The following H1-4 variants were observed in gnomAD, a reference collection of about 807,000 sequenced individuals.
H1-4 encodes the protein histone H1.4.
In H1-4, 9 loss-of-function variants were observed where a neutral mutation model predicts 7.2. The ratio of observed to expected loss-of-function variants is 1.25; its 90% CI spans 0.75 to 2.18. The LOEUF is 2.18. Among genes scored for constraint, H1-4 ranks in the 30% most tolerant of loss-of-function variants. The pLI, the probability that H1-4 is intolerant of heterozygous loss-of-function variation, is 0.00. For synonymous variants in H1-4, 318 were observed against 126.6 expected (o/e 2.51, Z -10.15); for missense variants, 646 against 287.9 (o/e 2.24, Z -9.00).
Position 26,156,773 on chromosome 6 carries a change from C to A in H1-4, c.383C>A (p.Ala128Asp). ...GCTAAAAAGGCAGGCGCGGCCAAGGCCAAGAAGCCAGCAGGAGCGGCGAAG... is the reference window on the plus strand; with the variant it reads ...GCTAAAAAGGCAGGCGCGGCCAAGGACAAGAAGCCAGCAGGAGCGGCGAAG... ...PKAKKAGAAK[A>D]KKPAGAAKKP... Residue 128 changes from alanine to aspartate, a missense_variant, in exon 1 of 1, where the codon GCC becomes GAC. By Grantham distance (126) the Ala-to-Asp change is moderately radical. Transcript: ENST00000304218. 1 of 1,613,060 alleles carries A rather than the reference C, an allele frequency of 6.2e-7. No individual in the cohort carries two copies. Among genetic ancestry groups the A allele is most frequent in the Non-Finnish European group, 8.5e-7 (1 of 1,179,554 alleles).
Position 26,157,062 on chromosome 6 carries a change from G to T in H1-4, c.*12G>T. On this transcript the variant is annotated 3_prime_UTR_variant, in exon 1 of 1. Transcript: ENST00000304218. Reference sequence around the variant, plus strand: ...CCAAGAAAAAGTAGAAAGTTCCTTTGGCCAACTGCTTAGAAGCCCAACACA... The same window carrying T: ...CCAAGAAAAAGTAGAAAGTTCCTTTTGCCAACTGCTTAGAAGCCCAACACA... 1 of 1,577,480 alleles carries T rather than the reference G, an allele frequency of 6.3e-7. No homozygotes were observed. The highest frequency in any genetic ancestry group is 1.2e-5 in the South Asian group (1 of 84,752).
In H1-4 at chr6:26,157,008, C is replaced by T. The variant is rs74793622; in HGVS notation, c.618C>T (p.Pro206=). Residue 206 remains proline, a synonymous_variant, in exon 1 of 1, where the codon CCC becomes CCT. Transcript: ENST00000304218. ...PKAAKPKTAK[P]KAAKPKKAAA... is the part of the protein sequence containing the mutation. ...CGGCTAAACCAAAGACCGCCAAGCC[C>T]AAGGCAGCCAAGCCAAAGAAGGCGG... is the stretch of plus-strand genomic sequence containing the variant. 124 of 1,590,412 alleles carry T rather than the reference C, an allele frequency of 7.8e-5. No homozygotes were observed. The highest frequency in any genetic ancestry group is 6.7e-4 in the South Asian group (58 of 86,778).
Position 26,157,074 on chromosome 6 carries a change from A to T in H1-4, c.*24A>T. 6.4e-7 allele frequency: 1 copy of T among 1,572,330 alleles called. No individual in the cohort carries two copies. The highest frequency in any genetic ancestry group is 8.6e-7 in the Non-Finnish European group (1 of 1,168,508). ...AGAAAGTTCCTTTGGCCAACTGCTT[A>T]GAAGCCCAACACAACCCAAAGGCTC... On this transcript the variant is annotated 3_prime_UTR_variant, in exon 1 of 1. Transcript: ENST00000304218.
rs748517682 is a variant in H1-4 at position 26,156,878 on chromosome 6, C to T, written c.488C>T (p.Ala163Val). 7.5e-6 allele frequency: 12 copies of T among 1,608,398 alleles called. No homozygotes were observed. The highest frequency in any genetic ancestry group is 5.4e-5 in the African/African-American group (4 of 74,540). The change falls in exon 1 of 1, where the codon GCA (alanine) becomes GTA (valine). Residue 163 changes from alanine (A) to valine (V), a missense_variant. By Grantham distance (64) the Ala-to-Val change is moderately conservative (BLOSUM62 0). Coordinates refer to ENST00000304218, the MANE Select transcript of H1-4 (RefSeq NM_005321.3). ...KTPKKAKKPA[A>V]AAGAKKAKSP... ...CCAAAGAAGGCGAAGAAGCCGGCTG[C>T]AGCTGCTGGAGCCAAAAAAGCGAAA...
In H1-4 at chr6:26,156,528, A is replaced by G. The variant is rs747676333; in HGVS notation, c.138A>G (p.Lys46=). Residue 46 remains lysine (K), a synonymous_variant, in exon 1 of 1, where the codon AAA becomes AAG. Coordinates refer to ENST00000304218, the MANE Select transcript of H1-4 (RefSeq NM_005321.3). ...SGPPVSELIT[K]AVAASKERSG... ...CCCCGGTGTCCGAGCTCATTACTAA[A>G]GCTGTTGCCGCCTCCAAGGAGCGCA... 8 of 1,613,938 alleles carry G rather than the reference A, an allele frequency of 5.0e-6. No homozygotes were observed. The highest frequency in any genetic ancestry group is 1.6e-4 in the Middle Eastern group (1 of 6,084).
chr6:26,156,383 C>G lies in H1-4; in HGVS notation c.-8C>G, dbSNP rs774145855. On this transcript the variant is annotated 5_prime_UTR_variant, in exon 1 of 1. Transcript: ENST00000304218. ...CTCGAATTGCTCTCGCTCACGCTTG[C>G]CTTCAACATGTCCGAGACTGCGCCT... The G allele has an allele frequency of 3.2e-6, 5 of 1,557,866 alleles. No individual in the cohort carries two copies. The African/African-American group carries it at 6.8e-5, about 21-fold the overall frequency.
rs755659578 is a variant in H1-4, at chr6:26,156,497, C to T, written c.107C>T (p.Ser36Phe). ...KSAGAAKRKA[S>F]GPPVSELITK... The stretch of plus-strand genomic sequence containing the variant: ...GCAGGTGCGGCCAAGCGCAAAGCGT[C>T]TGGGCCCCCGGTGTCCGAGCTCATT... Residue 36 changes from serine (S) to phenylalanine (F), a missense_variant, in exon 1 of 1, where the codon TCT becomes TTT. By Grantham distance (155) the Ser-to-Phe change is radical. Coordinates refer to ENST00000304218, the MANE Select transcript of H1-4 (RefSeq NM_005321.3). The T allele has an allele frequency of 3.1e-6, 5 of 1,613,664 alleles. No individual in the cohort carries two copies. Among genetic ancestry groups the T allele is most frequent in the Middle Eastern group, 1.6e-4 (1 of 6,082 alleles).
Position 26,156,362 on chromosome 6 carries a change from A to AT in H1-4, c.-29_-28insT, listed in dbSNP as rs1486015427. The AT allele has an allele frequency of 9.2e-6, 14 of 1,521,450 alleles. No individual in the cohort carries two copies. In the East Asian group the frequency reaches 2.5e-4, roughly 27 times the overall value. The allele number at this position is 1,521,450 out of a possible 1,614,324, so 94.2% of individuals were successfully genotyped here. The stretch of plus-strand genomic sequence containing the variant: ...GGCCAGTGCCTCTGCTTCCGGCTCG[A>AT]ATTGCTCTCGCTCACGCTTGCCTTC... On this transcript the variant is annotated 5_prime_UTR_variant, in exon 1 of 1. Coordinates refer to ENST00000304218, the MANE Select transcript of H1-4 (RefSeq NM_005321.3).
rs1236300072 is a variant in H1-4, at chr6:26,156,636, G to C, written c.246G>C (p.Leu82=). 5.6e-6 allele frequency: 9 copies of C among 1,614,142 alleles called. No homozygotes were observed. Among genetic ancestry groups the C allele is most frequent in the Non-Finnish European group, 6.8e-6 (8 of 1,180,048 alleles). Residue 82 remains leucine (L), a synonymous_variant, in exon 1 of 1, where the codon CTG becomes CTC. Transcript: ENST00000304218. ...AGAAGAACAACAGCCGCATCAAGCT[G>C]GGTCTCAAGAGCCTGGTGAGCAAGG... The part of the protein sequence containing the change: ...DVEKNNSRIK[L]GLKSLVSKGT...
Position 26,156,483 on chromosome 6 carries a change from C to CT in H1-4, c.93_94insT (p.Lys32Ter). The CT allele has an allele frequency of 6.2e-7, 1 of 1,613,544 alleles. No individual in the cohort carries two copies. On this transcript the variant is annotated frameshift_variant, in exon 1 of 1. Transcript: ENST00000304218. LOFTEE classifies it high-confidence loss of function. ...AGGCCCGCAAGTCTGCAGGTGCGGC[C>CT]AAGCGCAAAGCGTCTGGGCCCCCGG...
rs1291806424 is a variant in H1-4 at position 26,156,858 on chromosome 6, G to T, written c.468G>T (p.Lys156Asn). The change falls in exon 1 of 1, where the codon AAG becomes AAT. Residue 156 changes from lysine (K) to asparagine (N), a missense_variant. Physicochemically the swap from Lys to Asn is moderately conservative, Grantham distance 94 (BLOSUM62 0). Coordinates refer to ENST00000304218, the MANE Select transcript of H1-4 (RefSeq NM_005321.3). ...TPKKSAKKTP[K>N]KAKKPAAAAG... ...AGAAGAGCGCCAAGAAGACCCCAAA[G>T]AAGGCGAAGAAGCCGGCTGCAGCTG... The T allele has an allele frequency of 6.2e-7, 1 of 1,607,510 alleles. No homozygotes were observed. The highest frequency in any genetic ancestry group is 1.3e-5 in the African/African-American group (1 of 74,390).
In H1-4 at chr6:26,156,754, A is replaced by G. The variant is rs1328196806; in HGVS notation, c.364A>G (p.Lys122Glu). The G allele has an allele frequency of 6.2e-7, 1 of 1,613,832 alleles. No homozygotes were observed. The highest frequency in any genetic ancestry group is 1.7e-5 in the Admixed American group (1 of 59,976). Residue 122 changes from lysine to glutamate, a missense_variant, in exon 1 of 1, where the codon AAG (lysine) becomes GAG (glutamate). By Grantham distance (56) the Lys-to-Glu change is moderately conservative. Coordinates refer to ENST00000304218, the MANE Select transcript of H1-4 (RefSeq NM_005321.3). Reference sequence around the variant, plus strand: ...TGGGGAAGCCAAGCCTAAGGCTAAAAAGGCAGGCGCGGCCAAGGCCAAGAA... The same window carrying G: ...TGGGGAAGCCAAGCCTAAGGCTAAAGAGGCAGGCGCGGCCAAGGCCAAGAA... ...ASGEAKPKAK[K>E]AGAAKAKKPA... is the part of the protein sequence containing the mutation.
chr6:26,156,919 A>C lies in H1-4; in HGVS notation c.529A>C (p.Lys177Gln), dbSNP rs1222464439. 6.2e-7 allele frequency: 1 copy of C among 1,611,358 alleles called. No homozygotes were observed. The highest frequency in any genetic ancestry group is 1.1e-5 in the South Asian group (1 of 90,976). ...AKKAKSPKKA[K>Q]AAKPKKAPKS... ...AAAAGCGAAAAGCCCGAAAAAGGCGAAAGCAGCCAAGCCAAAAAAGGCGCC... is the reference window on the plus strand; with the variant it reads ...AAAAGCGAAAAGCCCGAAAAAGGCGCAAGCAGCCAAGCCAAAAAAGGCGCC... The change falls in exon 1 of 1, where the codon AAA becomes CAA. Residue 177 changes from lysine (K) to glutamine (Q), a missense_variant. Coordinates refer to ENST00000304218, the MANE Select transcript of H1-4 (RefSeq NM_005321.3).
In H1-4 at chr6:26,156,923, C is replaced by G. The variant is rs368598196; in HGVS notation, c.533C>G (p.Ala178Gly). 2 of 1,611,160 alleles carry G rather than the reference C, an allele frequency of 1.2e-6. No homozygotes were observed. The highest frequency in any genetic ancestry group is 2.0e-4 in the Middle Eastern group (1 of 5,104). ...KKAKSPKKAK[A>G]AKPKKAPKSP... ...GCGAAAAGCCCGAAAAAGGCGAAAGCAGCCAAGCCAAAAAAGGCGCCCAAG... is the reference window on the plus strand; with the variant it reads ...GCGAAAAGCCCGAAAAAGGCGAAAGGAGCCAAGCCAAAAAAGGCGCCCAAG... The change falls in exon 1 of 1, where the codon GCA becomes GGA. Residue 178 changes from alanine to glycine, a missense_variant. Coordinates refer to ENST00000304218, the MANE Select transcript of H1-4 (RefSeq NM_005321.3).
At position 26,156,848 on chromosome 6, in the gene H1-4, A is replaced by G; in HGVS notation, c.458A>G (p.Lys153Arg). Residue 153 changes from lysine to arginine, a missense_variant, in exon 1 of 1, where the codon AAG becomes AGG. Transcript: ENST00000304218. ...GCCACCCCCAAGAAGAGCGCCAAGAAGACCCCAAAGAAGGCGAAGAAGCCG... is the reference window on the plus strand; with the variant it reads ...GCCACCCCCAAGAAGAGCGCCAAGAGGACCCCAAAGAAGGCGAAGAAGCCG... ...GAATPKKSAK[K>R]TPKKAKKPAA... is the part of the protein sequence containing the mutation. 1 of 1,606,540 alleles carries G rather than the reference A, an allele frequency of 6.2e-7. No individual in the cohort carries two copies. Among genetic ancestry groups the G allele is most frequent in the Non-Finnish European group, 8.5e-7 (1 of 1,177,156 alleles).
rs1260973546 is a variant in H1-4, at chr6:26,156,895, AAAG to A, written c.506_508del (p.Lys169_Ala170delinsThr). On this transcript the variant is annotated inframe_deletion, in exon 1 of 1. Transcript: ENST00000304218. ...GCCGGCTGCAGCTGCTGGAGCCAAA[AAAG>A]CGAAAAGCCCGAAAAAGGCGAAAGC... 2 of 1,610,398 alleles carry A rather than the reference AAAG, an allele frequency of 1.2e-6. No individual in the cohort carries two copies. The highest frequency in any genetic ancestry group is 1.7e-5 in the Admixed American group (1 of 59,376).
rs148757707 is a variant in H1-4 at position 26,156,594 on chromosome 6, C to A, written c.204C>A (p.Ala68=). 212 of 1,614,094 alleles carry A rather than the reference C, an allele frequency of 1.3e-4. No individual in the cohort carries two copies. Among genetic ancestry groups the A allele is most frequent in the Middle Eastern group, 8.2e-4 (5 of 6,078 alleles). Residue 68 remains alanine, a synonymous_variant, in exon 1 of 1, where the codon GCC becomes GCA. Coordinates refer to ENST00000304218, the MANE Select transcript of H1-4 (RefSeq NM_005321.3). ...CCGCTCTCAAGAAAGCGCTGGCAGC[C>A]GCTGGCTATGACGTGGAGAAGAACA... The part of the protein sequence containing the change: ...SLAALKKALA[A]AGYDVEKNNS...
chr6:26,156,767 C>G lies in H1-4; in HGVS notation c.377C>G (p.Ala126Gly). Reference sequence around the variant, plus strand: ...CCTAAGGCTAAAAAGGCAGGCGCGGCCAAGGCCAAGAAGCCAGCAGGAGCG... The same window carrying G: ...CCTAAGGCTAAAAAGGCAGGCGCGGGCAAGGCCAAGAAGCCAGCAGGAGCG... ...AKPKAKKAGA[A>G]KAKKPAGAAK... Residue 126 changes from alanine to glycine, a missense_variant, in exon 1 of 1, where the codon GCC becomes GGC. Physicochemically the swap from Ala to Gly is moderately conservative, Grantham distance 60. Coordinates refer to ENST00000304218, the MANE Select transcript of H1-4 (RefSeq NM_005321.3). The G allele has an allele frequency of 1.2e-6, 2 of 1,613,396 alleles. No individual in the cohort carries two copies. Among genetic ancestry groups the G allele is most frequent in the Non-Finnish European group, 1.7e-6 (2 of 1,179,734 alleles).
chr6:26,156,362 A>T lies in H1-4; in HGVS notation c.-29A>T. 2.0e-6 allele frequency: 3 copies of T among 1,521,568 alleles called. No individual in the cohort carries two copies. Among genetic ancestry groups the T allele is most frequent in the Non-Finnish European group, 2.6e-6 (3 of 1,139,854 alleles). The allele number at this position is 1,521,568 out of a possible 1,614,324, so 94.3% of individuals were successfully genotyped here. A position where few individuals can be genotyped will look rare whatever the true frequency, so the allele number is the denominator to read the frequency against. The stretch of plus-strand genomic sequence containing the variant: ...GGCCAGTGCCTCTGCTTCCGGCTCG[A>T]ATTGCTCTCGCTCACGCTTGCCTTC... On this transcript the variant is annotated 5_prime_UTR_variant, in exon 1 of 1. Transcript: ENST00000304218.
Sources: allele counts gnomAD v4.1 joint callset, GRCh38; gene constraint gnomAD v4.1.1; transcripts MANE v1.5; gene names NCBI Gene and HGNC (gene_info 2026-07-23, HGNC 2026-07-21).